Variants in KPNA4 observed in about 807,000 individuals in gnomAD.
KPNA4 encodes the protein karyopherin subunit alpha 4, also known as importin subunit alpha-3.
A neutral mutation model predicts 71.3 loss-of-function variants in KPNA4; 13 were observed. That is an observed-to-expected ratio of 0.18 (90% confidence interval 0.12 to 0.29). KPNA4 has a LOEUF of 0.29. Among genes scored for constraint, KPNA4 ranks in the 10% least tolerant of loss-of-function variants. KPNA4 has a pLI of 1.00. For missense variants in KPNA4, 334 were observed against 603.2 expected, an observed-to-expected ratio of 0.55 and a Z score of 4.67; for synonymous variants, 189 against 195.2, an observed-to-expected ratio of 0.97 and a Z score of 0.26.
intron 1 of KPNA4, among the ~76,000 whole-genome samples, chr3:160,541,754 T>G (rs1721803393): frequency 6.6e-6 from 1 of 151,478 alleles, no homozygotes; most frequent in African/African-American, 2.4e-5. Context: ...ATTCAAACAT[T>G]TATTAATCAC....
At chr3:160,528,424 G>A (rs978769060) in intron 7 of KPNA4, among the ~76,000 whole-genome samples, 3 of 151,904 alleles carry the variant, frequency 2.0e-5, no homozygotes, top group South Asian at 2.1e-4. Context: ...GGAGGGAAGC[G>A]GTGGAATCTT....
At chr3:160,508,345 C>T (rs1721027319) in intron 14 of KPNA4, 76 bp from the exon 15 acceptor site, 1 of 1,107,418 alleles carries the variant, frequency 9.0e-7, no homozygotes, top group African/African-American at 1.6e-5. Context: ...TGGAATAATT[C>T]TGATTTTGAA....
chr3:160,554,883 T>TA (rs1413607444), intron 1 of KPNA4, among the ~76,000 whole-genome samples: 1 of 152,342 alleles, frequency 6.6e-6, no homozygotes, highest in East Asian at 1.9e-4. Flanking sequence ...TAGTTTATTT[T>TA]AAAAAATCAG....
At position 160,499,793 on chromosome 3, in the gene KPNA4, T is replaced by C. The variant is rs1013497364; in HGVS notation, c.*2311A>G. The C allele has an allele frequency of 1.3e-5, 2 of 152,188 alleles. No homozygotes were observed. Among genetic ancestry groups the C allele is most frequent in the African/African-American group, 4.8e-5 (2 of 41,462 alleles). The allele number at this position is 152,188 out of a possible 1,614,324, so 9.4% of individuals were successfully genotyped here. A position where few individuals can be genotyped will look rare whatever the true frequency, so the allele number is the denominator to read the frequency against. On this transcript the variant is annotated 3_prime_UTR_variant, in exon 17 of 17. Coordinates refer to ENST00000334256, the MANE Select transcript of KPNA4 (RefSeq NM_002268.5). ...TAAAAAACACAAATTATGTAAAGCA[T>C]TGCTGTGTTCACCTTCCAATTACTG...
At chr3:160,562,022 G>C (rs375209021) in intron 1 of KPNA4, among the ~76,000 whole-genome samples, 1 of 152,090 alleles carries the variant, frequency 6.6e-6, no homozygotes, top group Non-Finnish European at 1.5e-5. Context: ...CAAAGTTAGA[G>C]ATCAAATTAA....
intron 2 of KPNA4, among the ~76,000 whole-genome samples, chr3:160,536,283 A>C (rs1189813424): frequency 1.3e-5 from 2 of 152,136 alleles, no homozygotes; most frequent in African/African-American, 2.4e-5. Flanking sequence ...CCTAAAAGCA[A>C]AGTCAAAGCA....
At chr3:160,519,979 G>A (rs947972432) in intron 11 of KPNA4, among the ~76,000 whole-genome samples, 1 of 152,088 alleles carries the variant, frequency 6.6e-6, no homozygotes, top group African/African-American at 2.4e-5. Context: ...AAGTTGAAAA[G>A]TATAAGAAAA....
intron 5 of KPNA4, among the ~76,000 whole-genome samples, chr3:160,531,981 G>A (rs1447514330): frequency 3.9e-5 from 6 of 152,026 alleles, no homozygotes; most frequent in African/African-American, 1.2e-4. Flanking sequence ...TAGTAGAGAC[G>A]GAGTTTCCTC....
rs995498089 is a variant in KPNA4, at chr3:160,515,398, G to C, written c.1032+54C>G. 2.1e-6 allele frequency: 3 copies of C among 1,438,452 alleles called. No homozygotes were observed. In the African/African-American group the frequency reaches 4.3e-5, roughly 21 times the overall value. 89.1% of individuals were successfully genotyped at this position (1,438,452 alleles called of 1,614,324 possible). On this transcript the variant is annotated intron_variant, in intron 12 of 16. Coordinates refer to ENST00000334256, the MANE Select transcript of KPNA4 (RefSeq NM_002268.5). ...TTCTAAGACTCTAATTTTACAAATAGAAACTGTTAACATTTTAAGTGCTAT... is the reference window on the plus strand; with the variant it reads ...TTCTAAGACTCTAATTTTACAAATACAAACTGTTAACATTTTAAGTGCTAT...
Position 160,498,432 on chromosome 3 carries a change from G to A in KPNA4, c.*3672C>T, listed in dbSNP as rs563651632. 1 of 152,316 alleles carries A rather than the reference G, an allele frequency of 6.6e-6. No homozygotes were observed. The highest frequency in any genetic ancestry group is 1.9e-4 in the East Asian group (1 of 5,188). 9.4% of individuals were successfully genotyped at this position (152,316 alleles called of 1,614,324 possible). ...CTCCATATAACCCCCTCCCTTGACT[G>A]TGAACAGGATCTTTGAATATGATGC... On this transcript the variant is annotated 3_prime_UTR_variant, in exon 17 of 17. Coordinates refer to ENST00000334256, the MANE Select transcript of KPNA4 (RefSeq NM_002268.5).
chr3:160,519,564 G>A (rs1158936564), intron 11 of KPNA4, among the ~76,000 whole-genome samples: 1 of 151,870 alleles, frequency 6.6e-6, no homozygotes, highest in African/African-American at 2.4e-5. Context: ...GGAGGCTGAG[G>A]CGGGTGGATC....
At chr3:160,522,380 TAACC>T (rs1360858853) in intron 10 of KPNA4, among the ~76,000 whole-genome samples, 1 of 152,210 alleles carries the variant, frequency 6.6e-6, no homozygotes, top group Non-Finnish European at 1.5e-5. Flanking sequence ...CTAAAGCCAA[TAACC>T]CAAGTATTCA....
chr3:160,537,387 G>T lies in KPNA4; in HGVS notation c.70-547C>A, dbSNP rs544927847. On this transcript the variant is annotated intron_variant, in intron 1 of 16. Coordinates refer to ENST00000334256, the MANE Select transcript of KPNA4 (RefSeq NM_002268.5). Reference sequence around the variant, plus strand: ...TTTATAGAACTTAGAGATATTCCATGGTGGTGTATAAAGACCTATTTTATT... The same window carrying T: ...TTTATAGAACTTAGAGATATTCCATTGTGGTGTATAAAGACCTATTTTATT... Among the ~76,000 whole-genome samples, 6 of 151,852 alleles carry T rather than the reference G, an allele frequency of 4.0e-5. No individual in the cohort carries two copies. The East Asian group carries it at 1.2e-3, about 29-fold the overall frequency.
Position 160,540,370 on chromosome 3 carries a change from T to C in KPNA4, c.70-3530A>G, listed in dbSNP as rs75501892. Among the ~76,000 whole-genome samples the C allele has an allele frequency of 6.4e-3, 975 of 152,292 alleles. 11 individuals are homozygous for C. Among genetic ancestry groups the C allele is most frequent in the African/African-American group, 0.022 (907 of 41,552 alleles). On this transcript the variant is annotated intron_variant, in intron 1 of 16. Coordinates refer to ENST00000334256, the MANE Select transcript of KPNA4 (RefSeq NM_002268.5). ...TGGAGGTTTTTTGATAATTTGAAACTACTAATAAAGCATTTATCAAACCAA... is the reference window on the plus strand; with the variant it reads ...TGGAGGTTTTTTGATAATTTGAAACCACTAATAAAGCATTTATCAAACCAA...
At position 160,508,054 on chromosome 3, in the gene KPNA4, G is replaced by C. The variant is rs577317482; in HGVS notation, c.1372+53C>G. ...GTGCTATATTAGTCGGCAAATAAAG[G>C]TAGTTACAAAGAGAACATTAAGATG... is the stretch of plus-strand genomic sequence containing the variant. On this transcript the variant is annotated intron_variant, in intron 15 of 16. Coordinates refer to ENST00000334256, the MANE Select transcript of KPNA4 (RefSeq NM_002268.5). 21 of 1,362,444 alleles carry C rather than the reference G, an allele frequency of 1.5e-5. No individual in the cohort carries two copies. In the African/African-American group the frequency reaches 2.9e-4, roughly 19 times the overall value. 84.4% of individuals were successfully genotyped at this position (1,362,444 alleles called of 1,614,324 possible).
At chr3:160,515,921 C>T (rs1352029494) in intron 11 of KPNA4, among the ~76,000 whole-genome samples, 1 of 151,808 alleles carries the variant, frequency 6.6e-6, no homozygotes, top group Non-Finnish European at 1.5e-5. Flanking sequence ...AGCTGAAACA[C>T]TCCTTATTAA....
At position 160,502,137 on chromosome 3, in the gene KPNA4, A is replaced by G. The variant is rs1388326517; in HGVS notation, c.1533T>C (p.Ser511=). 3 of 1,599,300 alleles carry G rather than the reference A, an allele frequency of 1.9e-6. No individual in the cohort carries two copies. The highest frequency in any genetic ancestry group is 2.6e-6 in the Non-Finnish European group (3 of 1,170,798). ...IQGGTFGFNS[S]ANVPTEGFQF ...GGAACCCTTCTGTTGGTACATTGGCAGATGAATTGAAACCAAATGTTCCGC... is the reference window on the plus strand; with the variant it reads ...GGAACCCTTCTGTTGGTACATTGGCGGATGAATTGAAACCAAATGTTCCGC... Residue 511 remains serine (S), a synonymous_variant, in exon 17 of 17, where the codon TCT becomes TCC. Transcript: ENST00000334256.
Position 160,540,291 on chromosome 3 carries a change from G to A in KPNA4, c.70-3451C>T, listed in dbSNP as rs143915548. 2.8e-4 allele frequency among the ~76,000 whole-genome samples: 43 copies of A among 152,130 alleles called. 1 individual carries two copies. The highest frequency in any genetic ancestry group is 6.2e-4 in the South Asian group (3 of 4,810). ...TGGGATTACAAGCGTGAGCCACCGC[G>A]CCTGACCCGAAAGATTTTCTTTTTA... On this transcript the variant is annotated intron_variant, in intron 1 of 16. Transcript: ENST00000334256.
chr3:160,539,998 C>CTTTTTTTTTTTTT (rs376611861), intron 1 of KPNA4, among the ~76,000 whole-genome samples: 1 of 129,330 alleles, frequency 7.7e-6, no homozygotes, highest in Non-Finnish European at 1.6e-5. Flanking sequence ...TTTTTCTTTT[C>CTTTTTTTTTTTTT]TTTTTTTTTT....
Sources: gnomAD v4.1 joint callset for allele counts (sites outside exome capture counted in the v4.1 genomes callset) on GRCh38, gnomAD v4.1.1 for gene constraint, MANE v1.5 for transcripts, NCBI Gene and HGNC (gene_info 2026-07-23, HGNC 2026-07-21) for gene names.